The following SFMBT2 variants were observed in gnomAD, a reference collection of about 807,000 sequenced individuals.
The protein encoded by SFMBT2 is Scm like with four mbt domains 2, also known as scm-like with four MBT domains protein 2.
A neutral mutation model predicts 110.1 loss-of-function variants in SFMBT2; 38 were observed. The observed-to-expected ratio is 0.35, with a 90% confidence interval of 0.27 to 0.45. The LOEUF (loss-of-function observed/expected upper bound fraction) is 0.45, where lower values mean the gene tolerates loss of function less well. Ranked by LOEUF, SFMBT2 falls within the 20% of genes least tolerant of loss-of-function variation. The probability of loss-of-function intolerance (pLI) is 1.00; values close to 1 mark genes in which losing one functional copy is unlikely to be tolerated. For synonymous variants in SFMBT2, 425 were observed against 425.4 expected, an observed-to-expected ratio of 1.00 and a Z score of 0.01; for missense variants, 1,011 against 1,094.9, an observed-to-expected ratio of 0.92 and a Z score of 1.08.
intron 4 of SFMBT2, among the ~76,000 whole-genome samples, chr10:7,298,439 G>C (rs1432603268): frequency 6.6e-6 from 1 of 152,190 alleles, no homozygotes; most frequent in East Asian, 1.9e-4. Context: ...AGCCAGGCCA[G>C]TTCCCTAGCT....
Position 7,367,288 on chromosome 10 carries a change from CA to C in SFMBT2, c.436+360del, listed in dbSNP as rs1179979639. On this transcript the variant is annotated intron_variant, in intron 4 of 20. Transcript: ENST00000397167. The surrounding 1 kb of genome is among the most constrained non-coding windows in gnomAD (Gnocchi z 6.2). ...AAGACCTCAACTCCTGATGTCCTTT[CA>C]GCCTTCCTTTCTTACCCTCCAATTC... is the stretch of plus-strand genomic sequence containing the variant. Among the ~76,000 whole-genome samples, 22 of 81,102 alleles carry C rather than the reference CA, an allele frequency of 2.7e-4. No individual in the cohort carries two copies. Among genetic ancestry groups the C allele is most frequent in the African/African-American group, 1.0e-3 (21 of 20,044 alleles). 53.2% of individuals were successfully genotyped at this position (81,102 alleles called of 152,430 possible).
intron 10 of SFMBT2, among the ~76,000 whole-genome samples, chr10:7,224,688 T>C (rs934497584): frequency 2.0e-5 from 3 of 152,312 alleles, no homozygotes. Flanking sequence ...GAAGGGTCAA[T>C]TCAGTATGAG....
In SFMBT2 at chr10:7,171,060, C is replaced by T. The variant is rs1329705746; in HGVS notation, c.2416-4G>A. On this transcript the variant is annotated splice_region_variant and splice_polypyrimidine_tract_variant and intron_variant, in intron 19 of 20. Transcript: ENST00000397167. This position sits in a 1 kb window ranked among gnomAD's most constrained non-coding sequence, Gnocchi z 4.9. ...CCTCCTCCTCCTGTTTCGTGTCCTGCAGAGAAAGGGCAGGAGGAGCTCAGC... is the reference window on the plus strand; with the variant it reads ...CCTCCTCCTCCTGTTTCGTGTCCTGTAGAGAAAGGGCAGGAGGAGCTCAGC... 2 of 1,614,062 alleles carry T rather than the reference C, an allele frequency of 1.2e-6. No homozygotes were observed. Among genetic ancestry groups the T allele is most frequent in the Non-Finnish European group, 1.7e-6 (2 of 1,179,968 alleles).
intron 7 of SFMBT2, among the ~76,000 whole-genome samples, chr10:7,263,683 G>A (rs954558953): frequency 2.0e-5 from 3 of 152,206 alleles, no homozygotes; most frequent in African/African-American, 4.8e-5. Context: ...GCAAATGCCT[G>A]GAGAATGTAA....
At chr10:7,290,363 A>C (rs1422486134) in intron 4 of SFMBT2, among the ~76,000 whole-genome samples, 3 of 152,172 alleles carry the variant, frequency 2.0e-5, no homozygotes, top group South Asian at 2.1e-4. Flanking sequence ...TACACCTTTT[A>C]AAAATCCAAG....
intron 4 of SFMBT2, among the ~76,000 whole-genome samples, chr10:7,351,191 T>C (rs1844302608): frequency 6.6e-6 from 1 of 152,248 alleles, no homozygotes; most frequent in Non-Finnish European, 1.5e-5. Context: ...CTCCAGTGAA[T>C]AACACACATA....
chr10:7,291,019 G>A (rs941294434), intron 4 of SFMBT2, among the ~76,000 whole-genome samples: 3 of 151,608 alleles, frequency 2.0e-5, no homozygotes, highest in African/African-American at 4.9e-5. Flanking sequence ...TGTGTAGACC[G>A]GGCTGTGAGT....
At chr10:7,186,207 TG>T (rs1237162593) in intron 16 of SFMBT2, among the ~76,000 whole-genome samples, 2 of 151,836 alleles carry the variant, frequency 1.3e-5, no homozygotes, top group Non-Finnish European at 2.9e-5. Context: ...CTCAAGTAAA[TG>T]GGTCTTTACT....
chr10:7,365,392 T>G (rs1844862351), intron 4 of SFMBT2, among the ~76,000 whole-genome samples: 1 of 152,220 alleles, frequency 6.6e-6, no homozygotes. Context: ...AGCCGCACTT[T>G]TACCTTCTTC....
Position 7,344,037 on chromosome 10 carries a change from C to T in SFMBT2, c.436+23612G>A, listed in dbSNP as rs1844020223. On this transcript the variant is annotated intron_variant, in intron 4 of 20. Transcript: ENST00000397167. ...TATTCATATGCTCTGAAAGATACCA[C>T]AGTAAGCTATAATTTGACTGAAGTA... Among the ~76,000 whole-genome samples the T allele has an allele frequency of 1.3e-5, 2 of 152,214 alleles. 1 individual carries two copies. Among genetic ancestry groups the T allele is most frequent in the African/African-American group, 4.8e-5 (2 of 41,456 alleles).
At position 7,227,957 on chromosome 10, in the gene SFMBT2, G is replaced by A. The variant is rs747238923; in HGVS notation, c.1121-20C>T. 6.4e-6 allele frequency: 10 copies of A among 1,555,580 alleles called. No homozygotes were observed. The highest frequency in any genetic ancestry group is 1.2e-5 in the South Asian group (1 of 81,782). ...AGTAACCTGGGAATGACAAAACACAGATAAAACAGCGCACATTAAGCAAAA... is the reference window on the plus strand; with the variant it reads ...AGTAACCTGGGAATGACAAAACACAAATAAAACAGCGCACATTAAGCAAAA... On this transcript the variant is annotated intron_variant, in intron 9 of 20. Coordinates refer to ENST00000397167, the MANE Select transcript of SFMBT2 (RefSeq NM_001387889.1).
chr10:7,316,505 T>C (rs1245614413), intron 4 of SFMBT2, among the ~76,000 whole-genome samples: 1 of 152,094 alleles, frequency 6.6e-6, no homozygotes, highest in Admixed American at 6.5e-5. Flanking sequence ...TGGAATGAAC[T>C]ATGCAGGGGA....
intron 11 of SFMBT2, among the ~76,000 whole-genome samples, chr10:7,214,351 G>T (rs1369310018): frequency 6.6e-6 from 1 of 152,198 alleles, no homozygotes; most frequent in Non-Finnish European, 1.5e-5. Flanking sequence ...CTTGGATGCT[G>T]GGTACAAATG....
intron 15 of SFMBT2, among the ~76,000 whole-genome samples, chr10:7,194,208 G>A (rs1337756608): frequency 5.9e-5 from 9 of 152,170 alleles, no homozygotes; most frequent in Non-Finnish European, 4.4e-5. Context: ...TCTGGTTCCA[G>A]CTTCTCCCAG....
chr10:7,232,522 C>T (rs541054074), intron 9 of SFMBT2, among the ~76,000 whole-genome samples: 3 of 152,174 alleles, frequency 2.0e-5, no homozygotes, highest in South Asian at 2.1e-4. Context: ...AGGCATGAAA[C>T]GGCACGTAGT....
intron 7 of SFMBT2, among the ~76,000 whole-genome samples, chr10:7,268,210 C>A (rs537235831): frequency 6.6e-6 from 1 of 152,084 alleles, no homozygotes; most frequent in Admixed American, 6.6e-5. Context: ...CTTACCAAGC[C>A]CCAAAAAATC....
intron 4 of SFMBT2, among the ~76,000 whole-genome samples, chr10:7,343,009 G>A (rs1843980471): frequency 6.6e-6 from 1 of 152,160 alleles, no homozygotes; most frequent in Non-Finnish European, 1.5e-5. Flanking sequence ...GTACCTGATA[G>A]GTAGTTTTTT....
intron 4 of SFMBT2, among the ~76,000 whole-genome samples, chr10:7,352,215 T>G (rs977202038): frequency 6.6e-6 from 1 of 152,190 alleles, no homozygotes; most frequent in Non-Finnish European, 1.5e-5. Context: ...GGCCTTTCTA[T>G]TCATCCACAG....
chr10:7,260,627 T>G (rs1198875454), intron 7 of SFMBT2, among the ~76,000 whole-genome samples: 1 of 152,150 alleles, frequency 6.6e-6, no homozygotes, highest in South Asian at 2.1e-4. Context: ...AGCCAATCAC[T>G]GACAAGAAAA....
Sources: gnomAD v4.1 joint callset for allele counts (sites outside exome capture counted in the v4.1 genomes callset) on GRCh38, gnomAD v4.1.1 for gene constraint, Gnocchi (gnomAD v3.1) non-coding constraint, MANE v1.5 for transcripts, NCBI Gene and HGNC (gene_info 2026-07-23, HGNC 2026-07-21) for gene names.